The following GCC2 variants were observed in gnomAD, a reference collection of about 807,000 sequenced individuals.
GCC2 encodes the protein GRIP and coiled-coil domain containing 2.
Under a neutral mutation model 210.6 loss-of-function variants are expected in GCC2, and 120 were observed. The ratio of observed to expected loss-of-function variants is 0.57; its 90% CI spans 0.49 to 0.66. The LOEUF (loss-of-function observed/expected upper bound fraction) is 0.66, where lower values mean the gene tolerates loss of function less well. GCC2 is among the 30% of genes least tolerant of loss of function. The pLI is 0.00. For missense variants in GCC2, 1,868 were observed against 1,871.9 expected (o/e 1.00, Z 0.04); for synonymous variants, 703 against 652.7 (o/e 1.08, Z -1.17).
rs1313525353 is a variant in GCC2 at position 108,461,830 on chromosome 2, C to CTTTTTTT, written c.217-7145_217-7144insTTTTTTT. Among the ~76,000 whole-genome samples, 93 of 124,108 alleles carry CTTTTTTT rather than the reference C, an allele frequency of 7.5e-4. 7 individuals are homozygous for CTTTTTTT. The highest frequency in any genetic ancestry group is 1.3e-3 in the African/African-American group (41 of 31,828). The allele number at this position is 124,108 out of a possible 152,430, so 81.4% of individuals were successfully genotyped here. A position where few individuals can be genotyped will look rare whatever the true frequency, so the allele number is the denominator to read the frequency against. ...CTAAATAGGTTTTCTTTTTTTTTTTCTTTTTCTTTTTTTTTTTTTTTGAGA... is the reference window on the plus strand; with the variant it reads ...CTAAATAGGTTTTCTTTTTTTTTTTCTTTTTTTTTTTTCTTTTTTTTTTTTTTTGAGA... On this transcript the variant is annotated intron_variant, in intron 4 of 22. Coordinates refer to ENST00000309863, the MANE Select transcript of GCC2 (RefSeq NM_181453.4).
intron 20 of GCC2, 125 bp downstream of exon 20, chr2:108,495,610 C>T (rs1682613670): frequency 1.8e-6 from 1 of 555,786 alleles, no homozygotes; most frequent in Non-Finnish European, 3.2e-6. Context: ...TATTCCACTA[C>T]CTGTTTGTAT....
At chr2:108,460,004 C>G (rs1680481077) in intron 4 of GCC2, among the ~76,000 whole-genome samples, 1 of 151,878 alleles carries the variant, frequency 6.6e-6, no homozygotes, top group Non-Finnish European at 1.5e-5. Context: ...CATCTGCTAC[C>G]ATGCCCAGCT....
At chr2:108,495,700 T>A (rs936475486) in intron 20 of GCC2, 14 of 320,932 alleles carry the variant, frequency 4.4e-5, no homozygotes, top group African/African-American at 3.1e-4. Context: ...TATTAAGTAT[T>A]ACCTTACACG....
intron 17 of GCC2, among the ~76,000 whole-genome samples, chr2:108,489,306 A>G (rs1682292957): frequency 6.6e-6 from 1 of 152,242 alleles, no homozygotes; most frequent in Non-Finnish European, 1.5e-5. Context: ...ACCTGAGGTC[A>G]GGAGATCAAG....
chr2:108,467,098 A>C (rs746049082), intron 4 of GCC2, among the ~76,000 whole-genome samples: 2 of 152,042 alleles, frequency 1.3e-5, no homozygotes, highest in Non-Finnish European at 2.9e-5. Context: ...TATCCTGGCT[A>C]TTCTTGGTTT....
At chr2:108,461,692 C>T (rs914377398) in intron 4 of GCC2, among the ~76,000 whole-genome samples, 6 of 151,376 alleles carry the variant, frequency 4.0e-5, no homozygotes, top group South Asian at 4.2e-4. Flanking sequence ...TTAGTAGAGA[C>T]GGGGTTTCAC....
At chr2:108,497,569 C>A (rs956097823) in intron 21 of GCC2, among the ~76,000 whole-genome samples, 1 of 152,166 alleles carries the variant, frequency 6.6e-6, no homozygotes, top group Non-Finnish European at 1.5e-5. Context: ...TCGTTGAATT[C>A]TAAAGATAAC....
intron 10 of GCC2, 142 bp downstream of exon 10, chr2:108,481,958 G>C (rs2104475973): frequency 1.6e-6 from 1 of 608,256 alleles, no homozygotes; most frequent in Non-Finnish European, 2.8e-6. Context: ...ACTTAGGAGA[G>C]AAGAATAAGA....
At position 108,491,371 on chromosome 2, in the gene GCC2, G is replaced by C. The variant is rs183427539; in HGVS notation, c.4230-1202G>C. 1.9e-3 allele frequency among the ~76,000 whole-genome samples: 292 copies of C among 152,148 alleles called. 3 individuals carry two copies. The highest frequency in any genetic ancestry group is 6.7e-3 in the African/African-American group (278 of 41,524). On this transcript the variant is annotated intron_variant, in intron 18 of 22. Transcript: ENST00000309863. ...TGCTTAGACTATTTTTGTAACCTCC[G>C]ATGGTTCTTCCTTTGCTTTCTGGGT...
chr2:108,479,980 CAA>C (rs200934785), intron 9 of GCC2, among the ~76,000 whole-genome samples: 71 of 114,522 alleles, frequency 6.2e-4, no homozygotes, highest in African/African-American at 2.3e-3. Flanking sequence ...GACTCCATCT[CAA>C]AAAAAAAAAA....
At chr2:108,497,943 G>C (rs1022097519) in intron 21 of GCC2, among the ~76,000 whole-genome samples, 8 of 152,220 alleles carry the variant, frequency 5.3e-5, no homozygotes, top group African/African-American at 1.7e-4. Context: ...CCTGTACTTT[G>C]CTGCTCCTAA....
At chr2:108,481,631 G>A in intron 9 of GCC2, 66 bp from the exon 10 acceptor site, 4 of 1,209,060 alleles carry the variant, frequency 3.3e-6, no homozygotes, top group Non-Finnish European at 3.5e-6. Flanking sequence ...AAGGTGGCTT[G>A]ATGATGAAGT....
rs1682594990 is a variant in GCC2, at chr2:108,495,285, T to G, written c.4448-6T>G. The G allele has an allele frequency of 5.1e-6, 8 of 1,570,690 alleles. No individual in the cohort carries two copies. In the East Asian group the frequency reaches 1.8e-4, roughly 35 times the overall value. On this transcript the variant is annotated splice_polypyrimidine_tract_variant and splice_region_variant and intron_variant, in intron 19 of 22. Coordinates refer to ENST00000309863, the MANE Select transcript of GCC2 (RefSeq NM_181453.4). ...TCACACTTAACCTTTTAAAAAAATC[T>G]AATAGGCCCAGTTTCCTCTCAACAA...
intron 4 of GCC2, among the ~76,000 whole-genome samples, chr2:108,455,993 T>G (rs1032667984): frequency 6.6e-6 from 1 of 152,194 alleles, no homozygotes; most frequent in Admixed American, 6.5e-5. Context: ...CCAACTGTTT[T>G]CTTTTTTTTG....
At chr2:108,449,712 G>A (rs753835513) in intron 2 of GCC2, 23 bp downstream of exon 2, 1 of 1,602,836 alleles carries the variant, frequency 6.2e-7, no homozygotes, top group Non-Finnish European at 8.5e-7. Flanking sequence ...CTTGAATAGC[G>A]GGCTTCCTGA....
At position 108,486,645 on chromosome 2, in the gene GCC2, C is replaced by T. The variant is rs746326735; in HGVS notation, c.3927C>T (p.Ala1309=). 2.4e-5 allele frequency: 39 copies of T among 1,608,974 alleles called. 1 individual carries two copies. In the South Asian group the frequency reaches 4.2e-4, roughly 17 times the overall value. ...CACTACAGGAAGAGTGCCGTGCTGC[C>T]AAGGTGCGTTCTTCAGGGCAGCCAC... ...VTALQEECRA[A]KAEQATVTSE... Residue 1309 remains alanine (A), a synonymous_variant, in exon 16 of 23, where the codon GCC becomes GCT. Coordinates refer to ENST00000309863, the MANE Select transcript of GCC2 (RefSeq NM_181453.4).
rs1683272828 is a variant in GCC2, at chr2:108,507,708, T to C, written c.*78T>C. 1.9e-6 allele frequency: 2 copies of C among 1,044,196 alleles called. No individual in the cohort carries two copies. The highest frequency in any genetic ancestry group is 1.4e-5 in the South Asian group (1 of 73,502). The allele number at this position is 1,044,196 out of a possible 1,614,324, so 64.7% of individuals were successfully genotyped here. Reference sequence around the variant, plus strand: ...GTTCACGTATATTACCACAATTCTTTTGTCAAAAAGTGTGTATATATGTTT... The same window carrying C: ...GTTCACGTATATTACCACAATTCTTCTGTCAAAAAGTGTGTATATATGTTT... On this transcript the variant is annotated 3_prime_UTR_variant, in exon 23 of 23. Transcript: ENST00000309863.
intron 17 of GCC2, among the ~76,000 whole-genome samples, chr2:108,488,430 C>T (rs1365179426): frequency 1.3e-5 from 2 of 152,128 alleles, no homozygotes; most frequent in African/African-American, 4.8e-5. Context: ...GGTAGAAATA[C>T]AGGCATTAAA....
At chr2:108,449,768 G>C in intron 2 of GCC2, 79 bp downstream of exon 2, 1 of 1,128,158 alleles carries the variant, frequency 8.9e-7, no homozygotes, top group Non-Finnish European at 1.3e-6. Flanking sequence ...TGGGGAAGGG[G>C]GGGGCGCTGA....
Sources: gnomAD v4.1 joint callset for allele counts (sites outside exome capture counted in the v4.1 genomes callset) on GRCh38, gnomAD v4.1.1 for gene constraint, MANE v1.5 for transcripts, NCBI Gene and HGNC (gene_info 2026-07-23, HGNC 2026-07-21) for gene names.